The following SIK3 variants were observed in gnomAD, a reference collection of about 807,000 sequenced individuals.
SIK3 encodes serine/threonine-protein kinase SIK3.
SIK3 carries 28 observed loss-of-function variants against 144.2 expected under a neutral mutation model. The ratio of observed to expected loss-of-function variants is 0.19; its 90% CI spans 0.14 to 0.27. SIK3 has a LOEUF of 0.27. Ranked by LOEUF, SIK3 falls within the 10% of genes least tolerant of loss-of-function variation. The pLI, the probability that SIK3 is intolerant of heterozygous loss-of-function variation, is 1.00. For missense variants in SIK3, 1,319 were observed against 1,776.0 expected, an observed-to-expected ratio of 0.74 and a Z score of 4.62; for synonymous variants, 686 against 676.3, an observed-to-expected ratio of 1.01 and a Z score of -0.22.
intron 1 of SIK3, among the ~76,000 whole-genome samples, chr11:117,066,679 G>T (rs2135980560): frequency 6.6e-6 from 1 of 152,098 alleles, no homozygotes; most frequent in East Asian, 1.9e-4. Context: ...GGGACTAAAG[G>T]CACATGCCAA....
intron 7 of SIK3, 88 bp from the exon 8 acceptor site, chr11:116,876,451 G>T: frequency 9.3e-7 from 1 of 1,071,570 alleles, no homozygotes; most frequent in Non-Finnish European, 1.4e-6. Context: ...CCTGTTCCAT[G>T]CCCTCTGGCT....
intron 1 of SIK3, among the ~76,000 whole-genome samples, 180 bp downstream of exon 1, chr11:117,097,963 C>G (rs1955554172): frequency 6.6e-6 from 1 of 151,660 alleles, no homozygotes; most frequent in Non-Finnish European, 1.5e-5. Context: ...GTTCCGCCGT[C>G]TCGAGTCCCA....
At chr11:116,882,645 G>A (rs1460001115) in intron 6 of SIK3, among the ~76,000 whole-genome samples, 1 of 152,204 alleles carries the variant, frequency 6.6e-6, no homozygotes, top group Non-Finnish European at 1.5e-5. Flanking sequence ...AGAAGGCACA[G>A]AAAGGCTTTC....
intron 6 of SIK3, among the ~76,000 whole-genome samples, chr11:116,892,913 AT>A (rs1462161477): frequency 1.3e-5 from 2 of 152,212 alleles, no homozygotes; most frequent in Non-Finnish European, 2.9e-5. Context: ...ATGAAGAGAC[AT>A]GGAGGAACCT....
chr11:116,852,813 G>A (rs1942575469), intron 21 of SIK3, among the ~76,000 whole-genome samples: 1 of 152,222 alleles, frequency 6.6e-6, no homozygotes, highest in Non-Finnish European at 1.5e-5. Context: ...TCCAGGAGAA[G>A]CCTCTGATTC....
In SIK3 at chr11:116,905,359, T is replaced by C. The variant is rs1945971148; in HGVS notation, c.617-8042A>G. On this transcript the variant is annotated intron_variant, in intron 4 of 24. Coordinates refer to ENST00000445177, the MANE Select transcript of SIK3 (RefSeq NM_001366686.3). ...ATTTTATTTATCCATTCATCATCTGTTGAACATTCAGGTTGTTTCCACTTT... is the reference window on the plus strand; with the variant it reads ...ATTTTATTTATCCATTCATCATCTGCTGAACATTCAGGTTGTTTCCACTTT... Among the ~76,000 whole-genome samples, 4 of 152,368 alleles carry C rather than the reference T, an allele frequency of 2.6e-5. No individual in the cohort carries two copies. In the South Asian group the frequency reaches 6.2e-4, roughly 24 times the overall value.
chr11:117,097,131 A>G (rs562904774), intron 1 of SIK3, among the ~76,000 whole-genome samples: 1 of 152,290 alleles, frequency 6.6e-6, no homozygotes, highest in South Asian at 2.1e-4. Context: ...GGCTACATGA[A>G]AGTGCTACCA....
At chr11:117,031,842 A>G (rs1176095598) in intron 1 of SIK3, among the ~76,000 whole-genome samples, 1 of 151,956 alleles carries the variant, frequency 6.6e-6, no homozygotes, top group Non-Finnish European at 1.5e-5. Flanking sequence ...GCACCAGGCC[A>G]GCATTTATTT....
At chr11:117,075,779 A>T (rs2136023134) in intron 1 of SIK3, among the ~76,000 whole-genome samples, 1 of 134,762 alleles carries the variant, frequency 7.4e-6, no homozygotes, top group Non-Finnish European at 1.5e-5. Flanking sequence ...TCCTGACCTT[A>T]TGATCTGCCC....
intron 1 of SIK3, among the ~76,000 whole-genome samples, chr11:117,056,231 T>G (rs1428185674): frequency 2.6e-5 from 4 of 152,154 alleles, no homozygotes; most frequent in African/African-American, 4.8e-5. Context: ...TGTAGGGACA[T>G]GGATGAAACT....
intron 1 of SIK3, among the ~76,000 whole-genome samples, chr11:116,982,943 CAAA>C (rs35698580): frequency 0.038 from 2,627 of 69,526 alleles, 48 homozygotes; most frequent in African/African-American, 0.14. Flanking sequence ...GACTCCGTCT[CAAA>C]AAAAAAAAAA....
intron 1 of SIK3, among the ~76,000 whole-genome samples, chr11:117,037,802 A>T (rs1477108690): frequency 6.6e-6 from 1 of 152,176 alleles, no homozygotes; most frequent in Non-Finnish European, 1.5e-5. Context: ...AAACACACAC[A>T]CAAAAACCAA....
chr11:117,082,961 C>G (rs1361833343), intron 1 of SIK3, among the ~76,000 whole-genome samples: 1 of 152,038 alleles, frequency 6.6e-6, no homozygotes, highest in Admixed American at 6.6e-5. Context: ...AAAGGTTCCA[C>G]AAAGAGCTGG....
At chr11:116,982,540 G>A (rs1192029696) in intron 1 of SIK3, among the ~76,000 whole-genome samples, 4 of 151,894 alleles carry the variant, frequency 2.6e-5, no homozygotes, top group South Asian at 2.1e-4. Context: ...TGCCCACCTC[G>A]GCTTCCCAAA....
At chr11:117,074,817 C>T (rs1954436404) in intron 1 of SIK3, among the ~76,000 whole-genome samples, 1 of 151,646 alleles carries the variant, frequency 6.6e-6, no homozygotes, top group African/African-American at 2.4e-5. Flanking sequence ...ATCCCAGCTA[C>T]TGAGGGGACT....
rs781467446 is a variant in SIK3 at position 116,859,251 on chromosome 11, T to G, written c.2765+14A>C. ...CCCATGCATAGATGGCTGGGTGACG[T>G]TAGGCGGTCTTACCTGTGAGCCTCT... On this transcript the variant is annotated intron_variant, in intron 20 of 24. Transcript: ENST00000445177. 1.3e-5 allele frequency: 20 copies of G among 1,588,838 alleles called. No individual in the cohort carries two copies. In the Middle Eastern group the frequency reaches 6.7e-4, roughly 53 times the overall value.
At chr11:117,075,087 G>A (rs1400664238) in intron 1 of SIK3, among the ~76,000 whole-genome samples, 2 of 151,976 alleles carry the variant, frequency 1.3e-5, no homozygotes, top group Admixed American at 1.3e-4. Flanking sequence ...TGTTAAAAGA[G>A]GAAATAAGTA....
At chr11:116,951,413 A>G (rs1040684816) in intron 3 of SIK3, among the ~76,000 whole-genome samples, 4 of 152,122 alleles carry the variant, frequency 2.6e-5, no homozygotes, top group Admixed American at 2.0e-4. Flanking sequence ...TAACATTTCA[A>G]ATTCTATTGT....
intron 7 of SIK3, 35 bp from the exon 8 acceptor site, chr11:116,876,398 C>T (rs759567033): frequency 6.7e-7 from 1 of 1,486,714 alleles, no homozygotes; most frequent in East Asian, 2.3e-5. Context: ...GTCAACCCCC[C>T]AATTAACCAC....
Sources: allele counts gnomAD v4.1 joint callset (sites outside exome capture counted in the v4.1 genomes callset), GRCh38; gene constraint gnomAD v4.1.1; transcripts MANE v1.5; gene names NCBI Gene and HGNC (gene_info 2026-07-23, HGNC 2026-07-21).